Variants in PHTF1 observed in about 807,000 individuals in gnomAD.
The protein encoded by PHTF1 is protein PHTF1.
A neutral mutation model predicts 102.4 loss-of-function variants in PHTF1; 88 were observed. The ratio of observed to expected loss-of-function variants is 0.86; its 90% CI spans 0.72 to 1.03. The LOEUF is 1.03. PHTF1 is among the 50% of genes least tolerant of loss of function. PHTF1 has a pLI of 0.00. For synonymous variants in PHTF1, 289 were observed against 305.2 expected (o/e 0.95, Z 0.55); for missense variants, 814 against 909.5 (o/e 0.89, Z 1.35).
chr1:113,703,855 T>C (rs1649714868), intron 15 of PHTF1: 1 of 474,842 alleles, frequency 2.1e-6, no homozygotes, highest in Non-Finnish European at 3.8e-6. Flanking sequence ...TATTATCAAT[T>C]AATAATTACC....
At position 113,711,978 on chromosome 1, in the gene PHTF1, TCTTAA is replaced by T. The variant is rs773344783; in HGVS notation, c.914_918del (p.Val305GlufsTer2). 1.2e-6 allele frequency: 2 copies of T among 1,614,102 alleles called. No homozygotes were observed. The highest frequency in any genetic ancestry group is 1.7e-6 in the Non-Finnish European group (2 of 1,179,964). On this transcript the variant is annotated frameshift_variant, in exon 9 of 19. Coordinates refer to ENST00000369604, the MANE Select transcript of PHTF1 (RefSeq NM_001323043.2). LOFTEE classifies it high-confidence loss of function. ...TGCCTTGAAAGTATTGATTTTCTAT[TCTTAA>T]CTTCACAACCATTGTCACTTGAGGC...
chr1:113,725,528 G>A (rs1258687303), intron 6 of PHTF1: 1 of 152,130 alleles, frequency 6.6e-6, no homozygotes, highest in East Asian at 1.9e-4. Context: ...GATATTCTGA[G>A]GGAAGATAAC....
chr1:113,713,137 T>C lies in PHTF1; in HGVS notation c.783+142A>G, dbSNP rs1651405363. On this transcript the variant is annotated intron_variant, in intron 8 of 18. Transcript: ENST00000369604. Reference sequence around the variant, plus strand: ...ACTAAGTTCCAGTCTTCATGTGGTATCTTCTTTTCATATCCTGTGGTTTTA... The same window carrying C: ...ACTAAGTTCCAGTCTTCATGTGGTACCTTCTTTTCATATCCTGTGGTTTTA... 3 of 718,158 alleles carry C rather than the reference T, an allele frequency of 4.2e-6. No homozygotes were observed. The South Asian group carries it at 4.9e-5, about 12-fold the overall frequency. The allele number at this position is 718,158 out of a possible 1,614,324, so 44.5% of individuals were successfully genotyped here.
At chr1:113,705,589 T>C (rs1305009860) in intron 13 of PHTF1, among the ~76,000 whole-genome samples, 1 of 152,228 alleles carries the variant, frequency 6.6e-6, no homozygotes, top group Non-Finnish European at 1.5e-5. Context: ...AATTATTTTA[T>C]TCTATGGATA....
chr1:113,738,889 T>C lies in PHTF1; in HGVS notation c.103-90A>G, dbSNP rs991614563. Reference sequence around the variant, plus strand: ...TTTTTGAGACACAGTTTCGCTCTTGTAGCCCAGGCTGGAGTGCAATGGCGT... The same window carrying C: ...TTTTTGAGACACAGTTTCGCTCTTGCAGCCCAGGCTGGAGTGCAATGGCGT... On this transcript the variant is annotated intron_variant, in intron 3 of 18. Transcript: ENST00000369604. 2.1e-5 allele frequency: 19 copies of C among 894,344 alleles called. No individual in the cohort carries two copies. In the South Asian group the frequency reaches 2.7e-4, roughly 13 times the overall value. The allele number at this position is 894,344 out of a possible 1,614,324, so 55.4% of individuals were successfully genotyped here. A position where few individuals can be genotyped will look rare whatever the true frequency, so the allele number is the denominator to read the frequency against.
At chr1:113,706,826 T>A in intron 11 of PHTF1, 104 bp from the exon 12 acceptor site, 1 of 593,632 alleles carries the variant, frequency 1.7e-6, no homozygotes, top group Non-Finnish European at 2.9e-6. Context: ...TAACCACCTC[T>A]ATAATGCTGG....
At chr1:113,745,182 A>C (rs1412740940) in intron 3 of PHTF1, among the ~76,000 whole-genome samples, 1 of 152,174 alleles carries the variant, frequency 6.6e-6, no homozygotes, top group Non-Finnish European at 1.5e-5. Flanking sequence ...AGAGAGGTAA[A>C]CTTGTGAGAT....
intron 11 of PHTF1, among the ~76,000 whole-genome samples, chr1:113,709,920 T>C (rs1571106906): frequency 6.6e-6 from 1 of 152,236 alleles, no homozygotes; most frequent in South Asian, 2.1e-4. Flanking sequence ...TATGTAACAC[T>C]GTGATGTTCA....
Position 113,738,229 on chromosome 1 carries a change from G to A in PHTF1, c.212C>T (p.Thr71Ile). Residue 71 changes from threonine (T) to isoleucine (I), a missense_variant, in exon 5 of 19, where the codon ACA becomes ATA. Coordinates refer to ENST00000369604, the MANE Select transcript of PHTF1 (RefSeq NM_001323043.2). ...FAKAKPEIPWTSLTRKGLVRV... is the reference protein window; with the variant it reads ...FAKAKPEIPWISLTRKGLVRV... ...AACAAGCCCCTTCCGAGTCAGAGAT[G>A]TCCATGGAATTTCAGGTTTTGCTTT... 1 of 1,613,764 alleles carries A rather than the reference G, an allele frequency of 6.2e-7. No homozygotes were observed.
chr1:113,726,633 A>G (rs573884701), intron 5 of PHTF1, 59 bp from the exon 6 acceptor site: 1 of 1,064,378 alleles, frequency 9.4e-7, no homozygotes, highest in Non-Finnish European at 1.3e-6. Context: ...AATTAATTCT[A>G]AAAACTATAC....
At chr1:113,716,568 T>C (rs1360270740) in intron 7 of PHTF1, among the ~76,000 whole-genome samples, 1 of 152,098 alleles carries the variant, frequency 6.6e-6, no homozygotes, top group Non-Finnish European at 1.5e-5. Context: ...CAGGTTGGTC[T>C]TGAACTTCTG....
In PHTF1 at chr1:113,705,908, T is replaced by C. The variant is rs1650080745; in HGVS notation, c.1653A>G (p.Ala551=). The C allele has an allele frequency of 1.2e-6, 2 of 1,613,998 alleles. No individual in the cohort carries two copies. The highest frequency in any genetic ancestry group is 1.7e-6 in the Non-Finnish European group (2 of 1,179,964). ...TWMFFFMMCV[A]ERTYKQRFLF... ...CACTGACCTGTTTATATGTTCTCTC[T>C]GCCACACACATCATGAAAAAAAACA... The change falls in exon 13 of 19, where the codon GCA becomes GCG. Residue 551 remains alanine, a synonymous_variant. Coordinates refer to ENST00000369604, the MANE Select transcript of PHTF1 (RefSeq NM_001323043.2).
At chr1:113,753,200 C>T (rs1220006793) in intron 3 of PHTF1, among the ~76,000 whole-genome samples, 3 of 152,156 alleles carry the variant, frequency 2.0e-5, no homozygotes, top group East Asian at 3.8e-4. Flanking sequence ...TTCACACATA[C>T]ATTCATAACG....
chr1:113,757,795 GA>G, intron 2 of PHTF1, 40 bp from the exon 3 acceptor site: 2 of 1,286,144 alleles, frequency 1.6e-6, no homozygotes, highest in Non-Finnish European at 2.3e-6. Flanking sequence ...CGATGCAAAG[GA>G]AATCCTTACA....
At chr1:113,710,661 C>T (rs529124044) in intron 10 of PHTF1, among the ~76,000 whole-genome samples, 186 bp from the exon 11 acceptor site, 11 of 151,680 alleles carry the variant, frequency 7.3e-5, no homozygotes, top group African/African-American at 1.7e-4. Context: ...TACAGGGTCG[C>T]GCTCTGTCAC....
chr1:113,728,624 G>A (rs1397083645), intron 5 of PHTF1, among the ~76,000 whole-genome samples: 1 of 152,168 alleles, frequency 6.6e-6, no homozygotes, highest in Non-Finnish European at 1.5e-5. Flanking sequence ...AAAGGAAAAT[G>A]GTGGTTGGGC....
Position 113,713,407 on chromosome 1 carries a change from C to G in PHTF1, c.655G>C (p.Gly219Arg). The change falls in exon 8 of 19, where the codon GGG (glycine) becomes CGG (arginine). Residue 219 changes from glycine (G) to arginine (R), a missense_variant. Physicochemically the swap from Gly to Arg is moderately radical, Grantham distance 125. Transcript: ENST00000369604. ...CTTGGGTCATTGTCAGTTTCAGTCC[C>G]TTTGTTAGATATTAATTTTACTCTT... Reference protein sequence around the residue: ...IKRVKLISNKGTETDNDPSCV... With the variant: ...IKRVKLISNKRTETDNDPSCV... The G allele has an allele frequency of 6.3e-7, 1 of 1,576,810 alleles. No individual in the cohort carries two copies. The highest frequency in any genetic ancestry group is 8.7e-7 in the Non-Finnish European group (1 of 1,149,718).
chr1:113,729,711 G>A (rs546989253), intron 5 of PHTF1, among the ~76,000 whole-genome samples: 2 of 152,266 alleles, frequency 1.3e-5, no homozygotes, highest in South Asian at 4.1e-4. Context: ...ACCTAAGGAT[G>A]GCTGCTGGTC....
intron 3 of PHTF1, among the ~76,000 whole-genome samples, chr1:113,743,841 G>T (rs1656796147): frequency 1.3e-5 from 2 of 152,238 alleles, no homozygotes; most frequent in South Asian, 4.1e-4. Flanking sequence ...CCTCACAAAT[G>T]TCCTATGAGA....
Sources: allele counts gnomAD v4.1 joint callset (sites outside exome capture counted in the v4.1 genomes callset), GRCh38; gene constraint gnomAD v4.1.1; transcripts MANE v1.5; gene names NCBI Gene and HGNC (gene_info 2026-07-23, HGNC 2026-07-21).